Variants in EPHA6 observed in about 807,000 individuals in gnomAD.
The protein encoded by EPHA6 is ephrin type-A receptor 6.
In EPHA6, 50 loss-of-function variants were observed where a neutral mutation model predicts 112.0. That is an observed-to-expected ratio of 0.45 (90% CI 0.36 to 0.56). EPHA6 has a LOEUF of 0.56. EPHA6 is among the 20% of genes least tolerant of loss of function. EPHA6 has a pLI of 0.00. For synonymous variants in EPHA6, 529 were observed against 490.7 expected, an observed-to-expected ratio of 1.08 and a Z score of -1.03; for missense variants, 1,280 against 1,417.4, an observed-to-expected ratio of 0.90 and a Z score of 1.56.
At chr3:97,197,409 G>A (rs2077469550) in intron 3 of EPHA6, among the ~76,000 whole-genome samples, 2 of 151,770 alleles carry the variant, frequency 1.3e-5, no homozygotes, top group South Asian at 4.2e-4. Flanking sequence ...GCCAAAACTG[G>A]GTCCTTAACT....
chr3:97,081,078 A>G (rs983960455), intron 3 of EPHA6, among the ~76,000 whole-genome samples: 1 of 149,702 alleles, frequency 6.7e-6, no homozygotes. Context: ...ACATAATGCC[A>G]TATTCATATA....
intron 5 of EPHA6, among the ~76,000 whole-genome samples, chr3:97,246,597 G>T (rs529903767): frequency 6.6e-6 from 1 of 151,408 alleles, no homozygotes; most frequent in Admixed American, 6.6e-5. Flanking sequence ...TGAATATTAA[G>T]AAATGATTAT....
intron 6 of EPHA6, among the ~76,000 whole-genome samples, chr3:97,423,047 A>C (rs2088806413): frequency 6.6e-6 from 1 of 152,188 alleles, no homozygotes; most frequent in African/African-American, 2.4e-5. Context: ...AGCCAACATC[A>C]CAGTGAATGG....
chr3:97,406,960 G>A (rs1235054567), intron 6 of EPHA6, among the ~76,000 whole-genome samples: 2 of 152,048 alleles, frequency 1.3e-5, no homozygotes, highest in Non-Finnish European at 2.9e-5. Flanking sequence ...AACAAGCAAT[G>A]TGCATATATA....
At chr3:97,035,849 T>A (rs966995360) in intron 3 of EPHA6, among the ~76,000 whole-genome samples, 3 of 151,968 alleles carry the variant, frequency 2.0e-5, no homozygotes, top group Non-Finnish European at 1.5e-5. Flanking sequence ...TAGGATGTTG[T>A]GGACGGAATG....
intron 3 of EPHA6, among the ~76,000 whole-genome samples, chr3:97,212,082 T>C (rs1429743223): frequency 6.6e-6 from 1 of 152,048 alleles, no homozygotes; most frequent in Admixed American, 6.6e-5. Context: ...TTAAAGAGTA[T>C]GCAATAAAGA....
chr3:97,733,115 G>T (rs1310645878), intron 15 of EPHA6, among the ~76,000 whole-genome samples: 3 of 152,004 alleles, frequency 2.0e-5, no homozygotes, highest in Non-Finnish European at 4.4e-5. Flanking sequence ...GAGCAACTTT[G>T]TCAAGAGGCA....
At chr3:97,683,147 T>C (rs1334927097) in intron 14 of EPHA6, among the ~76,000 whole-genome samples, 1 of 152,204 alleles carries the variant, frequency 6.6e-6, no homozygotes, top group Non-Finnish European at 1.5e-5. Context: ...AAAATGCTTT[T>C]GAATTATAAT....
intron 1 of EPHA6, among the ~76,000 whole-genome samples, chr3:96,865,415 C>T (rs2036247327): frequency 6.6e-6 from 1 of 151,994 alleles, no homozygotes; most frequent in Non-Finnish European, 1.5e-5. Flanking sequence ...GGTGCCTTGG[C>T]TCACACCTGT....
intron 3 of EPHA6, among the ~76,000 whole-genome samples, chr3:97,060,355 A>C (rs1576412539): frequency 6.6e-6 from 1 of 152,208 alleles, no homozygotes; most frequent in East Asian, 1.9e-4. Context: ...AAGTAAACTA[A>C]GGTATTACAG....
chr3:97,727,844 G>T (rs1457887813), intron 15 of EPHA6, among the ~76,000 whole-genome samples: 1 of 151,910 alleles, frequency 6.6e-6, no homozygotes, highest in African/African-American at 2.4e-5. Context: ...ACAGAGGCAA[G>T]AATAATAGGG....
chr3:97,247,048 A>T (rs1215228692), intron 5 of EPHA6, among the ~76,000 whole-genome samples: 3 of 152,168 alleles, frequency 2.0e-5, no homozygotes, highest in African/African-American at 7.2e-5. Flanking sequence ...TGCTTAGTAA[A>T]TAAAATAAAA....
Position 97,592,661 on chromosome 3 carries a change from G to A in EPHA6, c.2436G>A (p.Arg812=). 2 of 1,613,438 alleles carry A rather than the reference G, an allele frequency of 1.2e-6. No homozygotes were observed. Among genetic ancestry groups the A allele is most frequent in the East Asian group, 4.5e-5 (2 of 44,832 alleles). The change falls in exon 12 of 18, where the codon AGG becomes AGA. Residue 812 remains arginine (R), a synonymous_variant. Coordinates refer to ENST00000389672, the MANE Select transcript of EPHA6 (RefSeq NM_001080448.3). The part of the protein sequence containing the change: ...GVEAFCPSFL[R]AGFLNSIQAP... ...AGGCGTTTTGCCCCAGCTTCCTGAGGGCAGGGTTTTTAAATAGCATCCAGG... is the reference window on the plus strand; with the variant it reads ...AGGCGTTTTGCCCCAGCTTCCTGAGAGCAGGGTTTTTAAATAGCATCCAGG...
intron 13 of EPHA6, among the ~76,000 whole-genome samples, chr3:97,625,789 A>C (rs906474472): frequency 6.6e-6 from 1 of 151,764 alleles, no homozygotes; most frequent in African/African-American, 2.4e-5. Context: ...AAAAAGAAGA[A>C]GGGACCATTT....
chr3:97,371,380 A>T (rs1247702341), intron 5 of EPHA6, among the ~76,000 whole-genome samples: 1 of 152,122 alleles, frequency 6.6e-6, no homozygotes, highest in Non-Finnish European at 1.5e-5. Flanking sequence ...TTAGTTCCCC[A>T]AATTAATACT....
chr3:96,879,297 C>A (rs1387945513), intron 2 of EPHA6, among the ~76,000 whole-genome samples: 1 of 152,018 alleles, frequency 6.6e-6, no homozygotes, highest in African/African-American at 2.4e-5. Context: ...AAATTTATTT[C>A]TATCTACCAT....
chr3:96,942,846 C>A (rs2041048330), intron 2 of EPHA6, among the ~76,000 whole-genome samples: 1 of 152,046 alleles, frequency 6.6e-6, no homozygotes, highest in South Asian at 2.1e-4. Context: ...GGGATACAAA[C>A]CAGGGTATTC....
intron 3 of EPHA6, among the ~76,000 whole-genome samples, chr3:96,988,716 A>G (rs913132170): frequency 3.3e-5 from 5 of 152,114 alleles, no homozygotes; most frequent in African/African-American, 1.2e-4. Context: ...TTTTCACCAT[A>G]TAACACATTA....
At chr3:97,106,794 C>T (rs1204364481) in intron 3 of EPHA6, among the ~76,000 whole-genome samples, 1 of 152,118 alleles carries the variant, frequency 6.6e-6, no homozygotes, top group Admixed American at 6.6e-5. Context: ...TGCCTGTATG[C>T]CTGCGCTCCC....
Sources: allele counts gnomAD v4.1 joint callset (sites outside exome capture counted in the v4.1 genomes callset), GRCh38; gene constraint gnomAD v4.1.1; transcripts MANE v1.5; gene names NCBI Gene and HGNC (gene_info 2026-07-23, HGNC 2026-07-21).